GRIN2B: variants seen among roughly 807,000 people sequenced by gnomAD.
GRIN2B encodes the protein glutamate ionotropic receptor NMDA type subunit 2B, also known as glutamate receptor ionotropic, NMDA 2B.
Under a neutral mutation model 114.5 loss-of-function variants are expected in GRIN2B, and 5 were observed. That is an observed-to-expected ratio of 0.04 (90% confidence interval 0.02 to 0.09). The LOEUF is 0.09. Ranked by LOEUF, GRIN2B falls within the 10% of genes least tolerant of loss-of-function variation. The pLI, the probability that GRIN2B is intolerant of heterozygous loss-of-function variation, is 1.00. For missense variants in GRIN2B, 1,108 were observed against 1,943.5 expected, an observed-to-expected ratio of 0.57 and a Z score of 8.08; for synonymous variants, 787 against 745.1, an observed-to-expected ratio of 1.06 and a Z score of -0.92.
chr12:13,796,858 G>A (rs1864426164), intron 3 of GRIN2B, among the ~76,000 whole-genome samples: 1 of 152,108 alleles, frequency 6.6e-6, no homozygotes, highest in Admixed American at 6.5e-5. Flanking sequence ...GGCAAAATTG[G>A]TACCAGATCC....
chr12:13,972,872 G>T (rs78203719), intron 2 of GRIN2B, among the ~76,000 whole-genome samples: 4,851 of 152,224 alleles, frequency 0.032, 269 homozygotes, highest in African/African-American at 0.11. Context: ...TACTATATTT[G>T]GTAGGTAAGT....
chr12:13,633,138 C>T lies in GRIN2B; in HGVS notation c.1126-16481G>A, dbSNP rs1805548. Among the ~76,000 whole-genome samples the T allele has an allele frequency of 6.3e-4, 96 of 152,282 alleles. 1 individual carries two copies. The East Asian group carries it at 9.3e-3, about 15-fold the overall frequency. The stretch of plus-strand genomic sequence containing the variant: ...CACTCCCAGGTGCTGGGATCCTTGA[C>T]CTTGTAAGGCTGTTGCACTTGTGCA... On this transcript the variant is annotated intron_variant, in intron 5 of 13. Coordinates refer to ENST00000609686, the MANE Select transcript of GRIN2B (RefSeq NM_000834.5).
At chr12:13,639,725 C>T (rs1949697012) in intron 5 of GRIN2B, among the ~76,000 whole-genome samples, 1 of 152,086 alleles carries the variant, frequency 6.6e-6, no homozygotes, top group Admixed American at 6.6e-5. Context: ...TTCCACACTT[C>T]TTTTCTTTCA....
chr12:13,630,552 C>T (rs147160819), intron 5 of GRIN2B, among the ~76,000 whole-genome samples: 212 of 152,210 alleles, frequency 1.4e-3, no homozygotes, highest in African/African-American at 4.9e-3. Flanking sequence ...GCTGACAATG[C>T]TGAAAAAACT....
intron 10 of GRIN2B, among the ~76,000 whole-genome samples, chr12:13,607,867 T>G (rs1488848857): frequency 2.6e-5 from 4 of 152,134 alleles, no homozygotes; most frequent in Non-Finnish European, 2.9e-5. Context: ...CCATCCCTAG[T>G]CCTGGTTACA....
rs145485688 is a variant in GRIN2B, at chr12:13,849,338, C to T, written c.411+16460G>A. 1.7e-3 allele frequency among the ~76,000 whole-genome samples: 265 copies of T among 152,250 alleles called. 1 individual carries two copies. Among genetic ancestry groups the T allele is most frequent in the Non-Finnish European group, 1.6e-3 (112 of 68,024 alleles). ...AGTGTAACTGGACCTACAGCTGTCA[C>T]AGCCGTTGGACAACTTCAGGTAATG... On this transcript the variant is annotated intron_variant, in intron 3 of 13. Coordinates refer to ENST00000609686, the MANE Select transcript of GRIN2B (RefSeq NM_000834.5).
At position 13,538,443 on chromosome 12, in the gene GRIN2B, C is replaced by T. The variant is rs985694360; in HGVS notation, c.*24340G>A. The stretch of plus-strand genomic sequence containing the variant: ...TTTGTTTTATTGAAGGTGTTGTGAT[C>T]ATGATCAAAGCTTTCATGATATCCT... On this transcript the variant is annotated 3_prime_UTR_variant, in exon 14 of 14. Transcript: ENST00000609686. 6.6e-6 allele frequency: 1 copy of T among 152,224 alleles called. No individual in the cohort carries two copies. The highest frequency in any genetic ancestry group is 1.5e-5 in the Non-Finnish European group (1 of 68,040). 9.4% of individuals were successfully genotyped at this position (152,224 alleles called of 1,614,324 possible).
intron 3 of GRIN2B, among the ~76,000 whole-genome samples, chr12:13,805,111 A>T (rs528874799): frequency 6.6e-6 from 1 of 152,216 alleles, no homozygotes; most frequent in South Asian, 2.1e-4. Flanking sequence ...TTTATTTAGT[A>T]CTTTATGTTT....
At chr12:13,922,627 G>A (rs774308420) in intron 2 of GRIN2B, among the ~76,000 whole-genome samples, 19 of 152,186 alleles carry the variant, frequency 1.2e-4, no homozygotes, top group Non-Finnish European at 2.4e-4. Flanking sequence ...TGTGGCACCC[G>A]TGGTAAGTCC....
intron 2 of GRIN2B, among the ~76,000 whole-genome samples, chr12:13,872,999 T>C (rs1264813511): frequency 6.6e-6 from 1 of 152,202 alleles, no homozygotes; most frequent in Non-Finnish European, 1.5e-5. Flanking sequence ...AAATTTATTC[T>C]AAAATGTATA....
intron 4 of GRIN2B, among the ~76,000 whole-genome samples, chr12:13,743,422 T>C (rs1437283162): frequency 6.6e-6 from 1 of 152,182 alleles, no homozygotes; most frequent in Non-Finnish European, 1.5e-5. Context: ...TGGAGTCCAC[T>C]ATTTTGAGTC....
chr12:13,619,838 C>A (rs1442861067), intron 5 of GRIN2B, among the ~76,000 whole-genome samples: 1 of 152,166 alleles, frequency 6.6e-6, no homozygotes, highest in Non-Finnish European at 1.5e-5. Flanking sequence ...TGACTTGAAG[C>A]TGAGCAGTCT....
intron 3 of GRIN2B, among the ~76,000 whole-genome samples, 170 bp downstream of exon 3, chr12:13,865,628 G>C (rs1013622209): frequency 2.6e-5 from 4 of 151,846 alleles, no homozygotes; most frequent in African/African-American, 9.7e-5. Flanking sequence ...GCAAAACTCT[G>C]TCTCAAAGAG....
chr12:13,948,396 C>T (rs953405093), intron 2 of GRIN2B, among the ~76,000 whole-genome samples: 1 of 152,164 alleles, frequency 6.6e-6, no homozygotes, highest in African/African-American at 2.4e-5. Context: ...GTGTTCCTTG[C>T]TGAAAGAGCA....
intron 4 of GRIN2B, among the ~76,000 whole-genome samples, chr12:13,735,159 T>A (rs2136608950): frequency 6.6e-6 from 1 of 152,316 alleles, no homozygotes; most frequent in East Asian, 1.9e-4. Context: ...GATATCCAAT[T>A]CTTTATTATT....
chr12:13,575,661 A>C lies in GRIN2B; in HGVS notation c.2011-3697T>G, dbSNP rs1030949910. Among the ~76,000 whole-genome samples, 14 of 131,022 alleles carry C rather than the reference A, an allele frequency of 1.1e-4. 1 individual carries two copies. Among genetic ancestry groups the C allele is most frequent in the African/African-American group, 4.2e-4 (14 of 33,498 alleles). The allele number at this position is 131,022 out of a possible 152,430, so 86.0% of individuals were successfully genotyped here. On this transcript the variant is annotated intron_variant, in intron 10 of 13. Transcript: ENST00000609686. ...GTGACAGAGCAAGACCCTGTCTCCA[A>C]AATGATAACAACAATAATAATAATA...
chr12:13,725,064 A>G (rs1218827192), intron 4 of GRIN2B, among the ~76,000 whole-genome samples: 2 of 152,122 alleles, frequency 1.3e-5, no homozygotes, highest in African/African-American at 4.8e-5. Flanking sequence ...CTTGTATAGC[A>G]ATTGCAAACT....
chr12:13,902,309 C>G (rs541327442), intron 2 of GRIN2B, among the ~76,000 whole-genome samples: 1 of 152,180 alleles, frequency 6.6e-6, no homozygotes, highest in East Asian at 1.9e-4. Context: ...TAAATTGAAT[C>G]TTACATCGTT....
chr12:13,894,164 G>T (rs1464590775), intron 2 of GRIN2B, among the ~76,000 whole-genome samples: 2 of 152,116 alleles, frequency 1.3e-5, no homozygotes, highest in East Asian at 1.9e-4. Flanking sequence ...AAGCCATTTG[G>T]CATTACAGAT....
Sources: gnomAD v4.1 joint callset for allele counts (sites outside exome capture counted in the v4.1 genomes callset) on GRCh38, gnomAD v4.1.1 for gene constraint, MANE v1.5 for transcripts, NCBI Gene and HGNC (gene_info 2026-07-23, HGNC 2026-07-21) for gene names.